Variants in FCHO2 observed in about 807,000 individuals in gnomAD.
The protein encoded by FCHO2 is FCH and mu domain containing endocytic adaptor 2, also known as F-BAR domain only protein 2.
In FCHO2, 43 loss-of-function variants were observed where a neutral mutation model predicts 114.1. That is an observed-to-expected ratio of 0.38 (90% confidence interval 0.30 to 0.49). FCHO2 has a LOEUF of 0.49. Among genes scored for constraint, FCHO2 ranks in the 20% least tolerant of loss-of-function variants. FCHO2 has a pLI of 0.97. For missense variants in FCHO2, 807 were observed against 950.4 expected (o/e 0.85, Z 1.98); for synonymous variants, 293 against 315.2 (o/e 0.93, Z 0.75).
chr5:73,056,390 A>G (rs950505577), intron 16 of FCHO2, among the ~76,000 whole-genome samples: 15 of 152,204 alleles, frequency 9.9e-5, no homozygotes, highest in African/African-American at 3.6e-4. Flanking sequence ...TCGTCATTAT[A>G]GTATCATACA....
At chr5:72,969,226 A>G (rs1196137069) in intron 2 of FCHO2, among the ~76,000 whole-genome samples, 1 of 152,196 alleles carries the variant, frequency 6.6e-6, no homozygotes, top group East Asian at 1.9e-4. Context: ...ATATAGGGAT[A>G]CTTTGGCTTT....
chr5:73,086,751 A>G lies in FCHO2; in HGVS notation c.2246-838A>G, dbSNP rs573475320. ...ATCTTTGGTGACTTCCCATGGTTACATCATGAATTTCTTACCATGGCCTGG... is the reference window on the plus strand; with the variant it reads ...ATCTTTGGTGACTTCCCATGGTTACGTCATGAATTTCTTACCATGGCCTGG... On this transcript the variant is annotated intron_variant, in intron 24 of 25. Transcript: ENST00000430046. Among the ~76,000 whole-genome samples the G allele has an allele frequency of 3.0e-4, 46 of 152,242 alleles. No homozygotes were observed. The South Asian group carries it at 9.3e-3, about 31-fold the overall frequency.
intron 8 of FCHO2, among the ~76,000 whole-genome samples, chr5:73,025,734 T>A (rs1006715514): frequency 5.3e-5 from 8 of 152,202 alleles, no homozygotes; most frequent in African/African-American, 1.7e-4. Context: ...GTCTAGTGAC[T>A]CACTGCAATA....
chr5:72,985,488 T>A (rs258888), intron 2 of FCHO2, among the ~76,000 whole-genome samples: 71,883 of 151,932 alleles, frequency 0.47, 18,111 homozygotes, highest in Admixed American at 0.61. Context: ...AAAGAATACT[T>A]CTTAGGTGGT....
At chr5:73,056,142 A>G (rs1047857027) in intron 16 of FCHO2, 35 bp downstream of exon 16, 24 of 1,485,040 alleles carry the variant, frequency 1.6e-5, no homozygotes, top group Non-Finnish European at 1.9e-5. Flanking sequence ...TAAAAAATAG[A>G]CTTTATTTTT....
Position 72,990,370 on chromosome 5 carries a change from A to G in FCHO2, c.201-108A>G. On this transcript the variant is annotated intron_variant, in intron 3 of 25. Transcript: ENST00000430046. The stretch of plus-strand genomic sequence containing the variant: ...ATTATTTTAATTTCATCTTTTGCCT[A>G]AATAAAGTTGCCATATATACCACTA... The G allele has an allele frequency of 8.9e-6, 7 of 785,658 alleles. No homozygotes were observed. In the South Asian group the frequency reaches 1.5e-4, roughly 17 times the overall value. 48.7% of individuals were successfully genotyped at this position (785,658 alleles called of 1,614,324 possible). A position where few individuals can be genotyped will look rare whatever the true frequency, so the allele number is the denominator to read the frequency against.
intron 2 of FCHO2, among the ~76,000 whole-genome samples, chr5:72,982,477 C>A (rs980239222): frequency 6.6e-6 from 1 of 152,124 alleles, no homozygotes; most frequent in African/African-American, 2.4e-5. Context: ...TTTTCTCATT[C>A]TTTTGAATTT....
rs1413426273 is a variant in FCHO2 at position 72,979,923 on chromosome 5, G to A, written c.126-9504G>A. Among the ~76,000 whole-genome samples the A allele has an allele frequency of 4.0e-5, 6 of 151,858 alleles. No individual in the cohort carries two copies. In the South Asian group the frequency reaches 6.2e-4, roughly 16 times the overall value. On this transcript the variant is annotated intron_variant, in intron 2 of 25. Coordinates refer to ENST00000430046, the MANE Select transcript of FCHO2 (RefSeq NM_138782.3). ...CCTGGATTCATTGATTTTTTTGAAC[G>A]CTGTTTCATGTCTCTATCTCCTTCA...
chr5:73,064,225 G>A (rs996317541), intron 18 of FCHO2, among the ~76,000 whole-genome samples: 10 of 152,034 alleles, frequency 6.6e-5, no homozygotes, highest in African/African-American at 9.6e-5. Flanking sequence ...ATAAAGAAGC[G>A]GTTTTCATAT....
chr5:73,051,930 T>A (rs1447110088), intron 12 of FCHO2, among the ~76,000 whole-genome samples: 1 of 151,980 alleles, frequency 6.6e-6, no homozygotes, highest in African/African-American at 2.4e-5. Context: ...TGTTTTTCTC[T>A]TTGGTTTTTT....
At chr5:72,971,513 C>A (rs566289931) in intron 2 of FCHO2, among the ~76,000 whole-genome samples, 2 of 152,320 alleles carry the variant, frequency 1.3e-5, no homozygotes, top group Admixed American at 1.3e-4. Context: ...TGAGAAGTAT[C>A]TGTTCATGTC....
At chr5:72,968,114 CG>C (rs1752305326) in intron 1 of FCHO2, among the ~76,000 whole-genome samples, 1 of 151,178 alleles carries the variant, frequency 6.6e-6, no homozygotes, top group Non-Finnish European at 1.5e-5. Flanking sequence ...TAAGTAGAGA[CG>C]GGGTTTCACC....
Position 72,956,190 on chromosome 5 carries a change from T to C in FCHO2, c.33+61T>C, listed in dbSNP as rs982368604. 7.3e-6 allele frequency: 11 copies of C among 1,501,052 alleles called. No individual in the cohort carries two copies. The African/African-American group carries it at 1.5e-4, about 20-fold the overall frequency. The allele number at this position is 1,501,052 out of a possible 1,614,324, so 93.0% of individuals were successfully genotyped here. Reference sequence around the variant, plus strand: ...GTCCAAGGCTTTTGGCGCCTGAGCTTGGCCTGCGTGCGCTTCGGGCGGCGG... The same window carrying C: ...GTCCAAGGCTTTTGGCGCCTGAGCTCGGCCTGCGTGCGCTTCGGGCGGCGG... On this transcript the variant is annotated intron_variant, in intron 1 of 25. Coordinates refer to ENST00000430046, the MANE Select transcript of FCHO2 (RefSeq NM_138782.3).
At chr5:72,989,371 T>G in intron 2 of FCHO2, 56 bp from the exon 3 acceptor site, 1 of 1,261,436 alleles carries the variant, frequency 7.9e-7, no homozygotes, top group Non-Finnish European at 1.1e-6. Context: ...TTGATAACTT[T>G]GCTGTTTTTG....
At chr5:73,058,586 C>A in intron 17 of FCHO2, 62 bp downstream of exon 17, 1 of 745,746 alleles carries the variant, frequency 1.3e-6, no homozygotes, top group Non-Finnish European at 2.0e-6. Flanking sequence ...TGCTTTTTCT[C>A]ATTCACTTTT....
chr5:73,036,852 A>G (rs1580143707), intron 9 of FCHO2, among the ~76,000 whole-genome samples: 1 of 152,180 alleles, frequency 6.6e-6, no homozygotes, highest in Admixed American at 6.5e-5. Context: ...AGATATCTCC[A>G]TATGCTTATT....
At chr5:73,049,166 G>A (rs1368229594) in intron 11 of FCHO2, among the ~76,000 whole-genome samples, 4 of 152,010 alleles carry the variant, frequency 2.6e-5, no homozygotes, top group Admixed American at 2.6e-4. Context: ...GTGAGCCACC[G>A]CGCCCGGCCT....
At chr5:72,978,215 A>T (rs984640511) in intron 2 of FCHO2, among the ~76,000 whole-genome samples, 3 of 152,160 alleles carry the variant, frequency 2.0e-5, no homozygotes, top group African/African-American at 7.2e-5. Context: ...GGCCATTTTC[A>T]CAATATGATT....
At chr5:72,985,454 G>A (rs1172904107) in intron 2 of FCHO2, among the ~76,000 whole-genome samples, 5 of 152,100 alleles carry the variant, frequency 3.3e-5, no homozygotes, top group South Asian at 4.2e-4. Context: ...GAGCCACCAC[G>A]CCCGCCTCTA....
Sources: allele counts gnomAD v4.1 joint callset (sites outside exome capture counted in the v4.1 genomes callset), GRCh38; gene constraint gnomAD v4.1.1; transcripts MANE v1.5; gene names NCBI Gene and HGNC (gene_info 2026-07-23, HGNC 2026-07-21).